Variants in HNRNPK observed in about 807,000 individuals in gnomAD.
HNRNPK encodes heterogeneous nuclear ribonucleoprotein K, also known as dC-stretch binding protein.
In HNRNPK, 7 loss-of-function variants were observed where a neutral mutation model predicts 67.0. That is an observed-to-expected ratio of 0.10 (90% CI 0.06 to 0.20). HNRNPK has a LOEUF of 0.20. HNRNPK is among the 10% of genes least tolerant of loss of function. The pLI is 1.00. For synonymous variants in HNRNPK, 213 were observed against 193.7 expected (o/e 1.10, Z -0.83); for missense variants, 264 against 606.5 (o/e 0.44, Z 5.93).
chr9:83,976,874 A>T, intron 5 of HNRNPK, 121 bp downstream of exon 5: 2 of 599,672 alleles, frequency 3.3e-6, no homozygotes, highest in Non-Finnish European at 5.8e-6. Flanking sequence ...TGTAATAATA[A>T]ATTATTACAA....
chr9:83,972,964 T>C lies in HNRNPK; in HGVS notation c.525A>G (p.Gln175=), dbSNP rs749661846. The C allele has an allele frequency of 3.2e-5, 51 of 1,605,616 alleles. 1 individual carries two copies. The highest frequency in any genetic ancestry group is 1.8e-4 in the Middle Eastern group (1 of 5,450). ...ATTCCTGGAAAAGCTTGATGGTGGTTTGAGTGTTCTGTAGTAAGATCATAA... is the reference window on the plus strand; with the variant it reads ...ATTCCTGGAAAAGCTTGATGGTGGTCTGAGTGTTCTGTAGTAAGATCATAA... The part of the protein sequence containing the change: ...AKIKELRENT[Q]TTIKLFQECC... The change falls in exon 10 of 17, where the codon CAA becomes CAG. Residue 175 remains glutamine, a synonymous_variant. Transcript: ENST00000376263.
rs200474083 is a variant in HNRNPK, at chr9:83,977,062, T to A, written c.157-11A>T. The stretch of plus-strand genomic sequence containing the variant: ...CACTGCCCCAGCATTCTGGAGAAGA[T>A]ACAAAGACAAAAAATTATTTTGCCT... On this transcript the variant is annotated splice_polypyrimidine_tract_variant and intron_variant, in intron 4 of 16. Coordinates refer to ENST00000376263, the MANE Select transcript of HNRNPK (RefSeq NM_031263.4). 1.7e-5 allele frequency: 27 copies of A among 1,605,328 alleles called. No individual in the cohort carries two copies. The highest frequency in any genetic ancestry group is 2.1e-5 in the Non-Finnish European group (25 of 1,172,300).
At position 83,971,868 on chromosome 9, in the gene HNRNPK, A is replaced by C. The variant is rs199832698; in HGVS notation, c.953+14T>G. On this transcript the variant is annotated intron_variant, in intron 11 of 16. Transcript: ENST00000376263. ...GGGGAAGAAAAAACAACAACAACAAAAAAAACAACTTACCCCCCTCTAGGT... is the reference window on the plus strand; with the variant it reads ...GGGGAAGAAAAAACAACAACAACAACAAAAACAACTTACCCCCCTCTAGGT... 4.1e-4 allele frequency: 638 copies of C among 1,555,754 alleles called. No individual in the cohort carries two copies. The highest frequency in any genetic ancestry group is 2.3e-3 in the Middle Eastern group (13 of 5,774).
chr9:83,971,193 G>A (rs1956820456), intron 13 of HNRNPK, 80 bp downstream of exon 13: 1 of 983,690 alleles, frequency 1.0e-6, no homozygotes, highest in African/African-American at 1.6e-5. Context: ...GTATCCTCAG[G>A]GGAATAAAAA....
chr9:83,973,859 C>G, intron 8 of HNRNPK, 43 bp downstream of exon 8: 2 of 1,408,516 alleles, frequency 1.4e-6, no homozygotes, highest in Non-Finnish European at 2.0e-6. Flanking sequence ...TCCTATGGGC[C>G]AGGCTCCATA....
rs780080785 is a variant in HNRNPK, at chr9:83,972,798, CTTTG to C, written c.645+42_645+45del. 26 of 1,486,054 alleles carry C rather than the reference CTTTG, an allele frequency of 1.7e-5. 1 individual carries two copies. The African/African-American group carries it at 2.8e-4, about 16-fold the overall frequency. The allele number at this position is 1,486,054 out of a possible 1,614,324, so 92.1% of individuals were successfully genotyped here. On this transcript the variant is annotated intron_variant, in intron 10 of 16. Coordinates refer to ENST00000376263, the MANE Select transcript of HNRNPK (RefSeq NM_031263.4). ...AAGCTACTTTTGCAGAAGGTTATCA[CTTTG>C]TTTCATAAAATCAAATGTAAACAAA...
At chr9:83,979,406 G>C (rs1411007677) in intron 1 of HNRNPK, among the ~76,000 whole-genome samples, 22 of 152,226 alleles carry the variant, frequency 1.4e-4, no homozygotes, top group Admixed American at 1.4e-3. Context: ...TTATCTGTAA[G>C]AATAACGTTG....
At chr9:83,977,476 T>C (rs1194937477) in intron 4 of HNRNPK, among the ~76,000 whole-genome samples, 1 of 152,214 alleles carries the variant, frequency 6.6e-6, no homozygotes, top group Non-Finnish European at 1.5e-5. Flanking sequence ...TCCTCCTAGT[T>C]TGACCTGTAG....
At chr9:83,970,666 A>G (rs1956788174) in intron 15 of HNRNPK, 71 bp downstream of exon 15, 2 of 1,063,404 alleles carry the variant, frequency 1.9e-6, no homozygotes, top group Non-Finnish European at 2.8e-6. Flanking sequence ...CTTCTGAATT[A>G]AAAAATATAC....
At chr9:83,978,097 C>T (rs571469158) in intron 3 of HNRNPK, 98 bp downstream of exon 3, 361 of 789,520 alleles carry the variant, frequency 4.6e-4, no homozygotes, top group Non-Finnish European at 6.3e-4. Context: ...ACAGTAATAC[C>T]AAAAATTCAC....
At chr9:83,977,107 A>G in intron 4 of HNRNPK, 56 bp from the exon 5 acceptor site, 1 of 1,204,770 alleles carries the variant, frequency 8.3e-7, no homozygotes, top group Non-Finnish European at 1.2e-6. Context: ...ATTAATAGCT[A>G]CCTACGCTCT....
chr9:83,975,379 T>A, intron 6 of HNRNPK, 83 bp downstream of exon 6: 1 of 1,171,274 alleles, frequency 8.5e-7, no homozygotes, highest in Non-Finnish European at 1.3e-6. Flanking sequence ...AAGGGGATAC[T>A]ATTTAATTAT....
rs781177925 is a variant in HNRNPK, at chr9:83,970,714, C to G, written c.1191+23G>C. On this transcript the variant is annotated intron_variant, in intron 15 of 16. Transcript: ENST00000376263. ...TAATCATAAAAGTGATAAAATGTTC[C>G]TGGTAGTATTAAAGATACTTACATC... The G allele has an allele frequency of 6.9e-6, 9 of 1,301,964 alleles. No individual in the cohort carries two copies. In the Admixed American group the frequency reaches 1.1e-4, roughly 16 times the overall value. 80.7% of individuals were successfully genotyped at this position (1,301,964 alleles called of 1,614,324 possible).
chr9:83,974,176 CCTAA>C (rs1564065196), intron 7 of HNRNPK, among the ~76,000 whole-genome samples: 3 of 151,894 alleles, frequency 2.0e-5, no homozygotes, highest in African/African-American at 4.8e-5. Flanking sequence ...GTCTTAAAAT[CCTAA>C]CTAAATCTAA....
intron 8 of HNRNPK, 42 bp from the exon 9 acceptor site, chr9:83,973,441 A>G: frequency 9.5e-7 from 1 of 1,053,604 alleles, no homozygotes; most frequent in South Asian, 1.3e-5. Context: ...CAAATCAACA[A>G]TTCCCCAATA....
chr9:83,980,377 CCTT>C (rs1357194253), upstream of HNRNPK: 1 of 152,580 alleles, frequency 6.6e-6, no homozygotes, highest in Non-Finnish European at 1.5e-5. Flanking sequence ...CCAGCGCCTC[CCTT>C]CGGGCTGGGA....
Position 83,969,184 on chromosome 9 carries a change from C to G in HNRNPK, c.*223G>C, listed in dbSNP as rs1956710339. The G allele has an allele frequency of 1.3e-5, 7 of 540,408 alleles. No individual in the cohort carries two copies. The highest frequency in any genetic ancestry group is 5.9e-5 in the South Asian group (2 of 34,174). 33.5% of individuals were successfully genotyped at this position (540,408 alleles called of 1,614,324 possible). Reference sequence around the variant, plus strand: ...ATGTTAGTTTTTGCACGCCCTTCCCCCCCCCAACCCTGTTTGTAAGGAACT... The same window carrying G: ...ATGTTAGTTTTTGCACGCCCTTCCCGCCCCCAACCCTGTTTGTAAGGAACT... On this transcript the variant is annotated 3_prime_UTR_variant, in exon 17 of 17. Transcript: ENST00000376263.
At chr9:83,969,473 G>A in intron 16 of HNRNPK, 33 bp from the exon 17 acceptor site, 2 of 1,443,950 alleles carry the variant, frequency 1.4e-6, no homozygotes, top group Non-Finnish European at 1.9e-6. Flanking sequence ...GTGCGAATTA[G>A]AATTTTTGCT....
intron 5 of HNRNPK, chr9:83,976,760 T>G (rs956268215): frequency 2.7e-5 from 10 of 375,450 alleles, no homozygotes; most frequent in African/African-American, 2.1e-4. Flanking sequence ...AATAATTTGG[T>G]GGACTCTTAT....
Sources: allele counts gnomAD v4.1 joint callset (sites outside exome capture counted in the v4.1 genomes callset), GRCh38; gene constraint gnomAD v4.1.1; transcripts MANE v1.5; gene names NCBI Gene and HGNC (gene_info 2026-07-23, HGNC 2026-07-21).